The following FBN1 variants were observed in gnomAD, a reference collection of about 807,000 sequenced individuals.
FBN1 encodes the protein fibrillin-1.
Under a neutral mutation model 365.1 loss-of-function variants are expected in FBN1, and 29 were observed. That is an observed-to-expected ratio of 0.08 (90% confidence interval 0.06 to 0.11). The LOEUF (loss-of-function observed/expected upper bound fraction) is 0.11. Ranked by LOEUF, FBN1 falls within the 10% of genes least tolerant of loss-of-function variation. The pLI is 1.00. For synonymous variants in FBN1, 1,210 were observed against 1,270.5 expected (o/e 0.95, Z 1.01); for missense variants, 2,476 against 3,703.2 (o/e 0.67, Z 8.60).
chr15:48,461,858 C>G (rs957642248), intron 42 of FBN1, among the ~76,000 whole-genome samples: 6 of 152,164 alleles, frequency 3.9e-5, no homozygotes, highest in African/African-American at 2.4e-5. Context: ...GTTCATGTAA[C>G]TTTCATATTA....
chr15:48,508,935 T>G (rs1228908733), intron 14 of FBN1, among the ~76,000 whole-genome samples: 1 of 152,214 alleles, frequency 6.6e-6, no homozygotes, highest in African/African-American at 2.4e-5. Context: ...TAGGGCTAGA[T>G]GTATAGGTAT....
At chr15:48,617,474 G>C (rs1889680597) in intron 2 of FBN1, among the ~76,000 whole-genome samples, 1 of 152,110 alleles carries the variant, frequency 6.6e-6, no homozygotes, top group Non-Finnish European at 1.5e-5. Context: ...TGCCCAGCCA[G>C]CATAAACTGT....
At chr15:48,638,873 C>T (rs1890148381) in intron 2 of FBN1, among the ~76,000 whole-genome samples, 1 of 152,168 alleles carries the variant, frequency 6.6e-6, no homozygotes, top group African/African-American at 2.4e-5. Flanking sequence ...AGCTCAGAAG[C>T]CCACACAACG....
chr15:48,436,296 T>A (rs2043071501), intron 53 of FBN1, among the ~76,000 whole-genome samples: 1 of 152,222 alleles, frequency 6.6e-6, no homozygotes. Flanking sequence ...CAGCCATAGC[T>A]GGAGCTGAAA....
At chr15:48,586,194 T>TA (rs2044433974) in intron 6 of FBN1, among the ~76,000 whole-genome samples, 1 of 152,168 alleles carries the variant, frequency 6.6e-6, no homozygotes. Context: ...ATAAAAATGC[T>TA]AAAATGTCTG....
At chr15:48,485,803 T>C (rs981713312) in intron 29 of FBN1, among the ~76,000 whole-genome samples, 7 of 152,228 alleles carry the variant, frequency 4.6e-5, no homozygotes, top group Non-Finnish European at 1.5e-5. Flanking sequence ...TGTGAACTAA[T>C]AATTTCTATT....
chr15:48,415,365 T>C (rs1300914220), intron 64 of FBN1, among the ~76,000 whole-genome samples, 171 bp downstream of exon 64: 1 of 152,230 alleles, frequency 6.6e-6, no homozygotes, highest in Non-Finnish European at 1.5e-5. Context: ...ATCCAGATGC[T>C]TCCTTCCAAA....
chr15:48,425,603 CTG>C, intron 59 of FBN1, 112 bp from the exon 60 acceptor site: 2 of 1,546,512 alleles, frequency 1.3e-6, no homozygotes, highest in Non-Finnish European at 1.8e-6. Context: ...AAAGGAAACT[CTG>C]TGTAGACTTT....
At chr15:48,630,685 T>C (rs1412857893) in intron 2 of FBN1, among the ~76,000 whole-genome samples, 2 of 148,380 alleles carry the variant, frequency 1.3e-5, no homozygotes, top group African/African-American at 2.5e-5. Flanking sequence ...TGAGCCGAGA[T>C]TGTGCCACTG....
chr15:48,425,399 T>C lies in FBN1; in HGVS notation c.7423A>G (p.Ile2475Val). The change falls in exon 60 of 66, where the codon ATT becomes GTT. Residue 2475 changes from isoleucine (I) to valine (V), a missense_variant. Physicochemically the swap from Ile to Val is conservative, Grantham distance 29 (BLOSUM62 3). This residue lies in a region of FBN1 where 1,780 missense variants were observed against 2,840.8 expected (regional missense o/e 0.63). Coordinates refer to ENST00000316623, the MANE Select transcript of FBN1 (RefSeq NM_000138.5). The stretch of plus-strand genomic sequence containing the variant: ...CAGCTCCTTCCATCCTCTTGCAGAA[T>C]GTAGCCTTTCGGGCATGAACACTGG... The part of the protein sequence containing the change: ...SYQCSCPKGY[I>V]LQEDGRSCKD... 3 of 1,614,218 alleles carry C rather than the reference T, an allele frequency of 1.9e-6. No individual in the cohort carries two copies. Among genetic ancestry groups the C allele is most frequent in the South Asian group, 1.1e-5 (1 of 91,090 alleles).
At chr15:48,562,169 A>C (rs1383434541) in intron 6 of FBN1, among the ~76,000 whole-genome samples, 4 of 152,246 alleles carry the variant, frequency 2.6e-5, no homozygotes, top group South Asian at 4.2e-4. Context: ...CAGTTCACCG[A>C]AACTCCTCAG....
In FBN1 at chr15:48,411,129, G is replaced by A; in HGVS notation, c.8477C>T (p.Thr2826Ile). ...HFTKKKPVAG[T>I]YSLQISSTPL... ...AGTACTACTGATTTGTAATGAATAG[G>A]TTCCAGCCACTGGCTTCTTCTTTGT... Residue 2826 changes from threonine (T) to isoleucine (I), a missense_variant, in exon 66 of 66, where the codon ACC becomes ATC. This residue lies in a region of FBN1 where 177 missense variants were observed against 192.7 expected (regional missense o/e 0.92). Coordinates refer to ENST00000316623, the MANE Select transcript of FBN1 (RefSeq NM_000138.5). 1.2e-6 allele frequency: 2 copies of A among 1,614,066 alleles called. No individual in the cohort carries two copies. Among genetic ancestry groups the A allele is most frequent in the Non-Finnish European group, 1.7e-6 (2 of 1,180,006 alleles).
At chr15:48,510,727 C>T (rs141873106) in intron 13 of FBN1, among the ~76,000 whole-genome samples, 592 of 152,224 alleles carry the variant, frequency 3.9e-3, no homozygotes, top group African/African-American at 0.013. Flanking sequence ...GAGTATTCTA[C>T]CAACCAAATA....
chr15:48,473,376 C>T (rs967258319), intron 34 of FBN1, among the ~76,000 whole-genome samples: 34 of 152,246 alleles, frequency 2.2e-4, no homozygotes, highest in African/African-American at 6.5e-4. Flanking sequence ...AGCAGCTATG[C>T]GACCTAATGG....
Position 48,457,205 on chromosome 15 carries a change from T to C in FBN1, c.5297-443A>G, listed in dbSNP as rs545604411. ...GAACTCTGATCTTTCAAATTCCAGT[T>C]TAACTCCCCCTTCCTACTTCATGTG... On this transcript the variant is annotated intron_variant, in intron 43 of 65. Coordinates refer to ENST00000316623, the MANE Select transcript of FBN1 (RefSeq NM_000138.5). Among the ~76,000 whole-genome samples the C allele has an allele frequency of 9.9e-5, 15 of 152,230 alleles. No individual in the cohort carries two copies. In the East Asian group the frequency reaches 1.5e-3, roughly 16 times the overall value.
At chr15:48,556,783 C>A (rs955107706) in intron 6 of FBN1, among the ~76,000 whole-genome samples, 1 of 151,990 alleles carries the variant, frequency 6.6e-6, no homozygotes, top group African/African-American at 2.4e-5. Flanking sequence ...ACGTGTCAAG[C>A]GGAGAGAATT....
chr15:48,466,590 T>C (rs1295514640), intron 38 of FBN1, among the ~76,000 whole-genome samples: 2 of 152,174 alleles, frequency 1.3e-5, no homozygotes, highest in Non-Finnish European at 2.9e-5. Flanking sequence ...TCTTTCATAA[T>C]GTCATGGTCT....
At chr15:48,490,657 C>A (rs764881096) in intron 24 of FBN1, among the ~76,000 whole-genome samples, 5 of 152,228 alleles carry the variant, frequency 3.3e-5, no homozygotes, top group Middle Eastern at 3.2e-3. Flanking sequence ...TGCTTAAGGG[C>A]ACATTCTTCA....
At chr15:48,606,205 C>T (rs2044607708) in intron 4 of FBN1, among the ~76,000 whole-genome samples, 1 of 152,172 alleles carries the variant, frequency 6.6e-6, no homozygotes, top group Admixed American at 6.5e-5. Context: ...TATCATACAA[C>T]TTAGAAATTG....
Sources: gnomAD v4.1 joint callset for allele counts (sites outside exome capture counted in the v4.1 genomes callset) on GRCh38, gnomAD v4.1.1 for gene constraint, gnomAD v4.1.1 regional missense constraint, MANE v1.5 for transcripts, NCBI Gene and HGNC (gene_info 2026-07-23, HGNC 2026-07-21) for gene names.